Variants in ADAMTS14 observed in about 807,000 individuals in gnomAD.
The protein encoded by ADAMTS14 is A disintegrin and metalloproteinase with thrombospondin motifs 14.
ADAMTS14 carries 100 observed loss-of-function variants against 128.6 expected under a neutral mutation model. That is an observed-to-expected ratio of 0.78 (90% CI 0.66 to 0.92). The LOEUF (loss-of-function observed/expected upper bound fraction) is 0.92, where lower values mean the gene tolerates loss of function less well. Among genes scored for constraint, ADAMTS14 ranks in the 40% least tolerant of loss-of-function variants. The pLI is 0.00. For synonymous variants in ADAMTS14, 665 were observed against 653.8 expected (o/e 1.02, Z -0.26); for missense variants, 1,562 against 1,658.6 (o/e 0.94, Z 1.01).
chr10:70,750,536 C>T (rs35813628), intron 16 of ADAMTS14, among the ~76,000 whole-genome samples: 34,443 of 152,170 alleles, frequency 0.23, 4,356 homozygotes, highest in Non-Finnish European at 0.29. Flanking sequence ...GCCCTCAGCA[C>T]TGGCTGGTGG....
chr10:70,674,758 C>G lies in ADAMTS14; in HGVS notation c.285C>G (p.Thr95=). The G allele has an allele frequency of 6.2e-7, 1 of 1,613,480 alleles. No homozygotes were observed. Among genetic ancestry groups the G allele is most frequent in the Non-Finnish European group, 8.5e-7 (1 of 1,179,976 alleles). ...GCAGCCCTCTGCACCCAGGAGGGAC[C>G]CTGTGGCCTGGCAGGGTGGGGCGCC... The part of the protein sequence containing the change: ...VARSPLHPGG[T]LWPGRVGRHS... Residue 95 remains threonine, a synonymous_variant, in exon 2 of 22, where the codon ACC becomes ACG. Transcript: ENST00000373207.
chr10:70,687,906 C>CG (rs1389109159), intron 2 of ADAMTS14, among the ~76,000 whole-genome samples: 1 of 87,158 alleles, frequency 1.1e-5, no homozygotes, highest in Admixed American at 1.1e-4. Flanking sequence ...GCTGTCCGGG[C>CG]GGGGGGGCTG....
At chr10:70,703,171 T>C (rs547344094) in intron 3 of ADAMTS14, among the ~76,000 whole-genome samples, 65 of 152,204 alleles carry the variant, frequency 4.3e-4, no homozygotes, top group Middle Eastern at 3.4e-3. Context: ...AGGGAAGGGG[T>C]GTCCCTGCGC....
intron 4 of ADAMTS14, among the ~76,000 whole-genome samples, chr10:70,724,200 A>T (rs1841356622): frequency 6.6e-6 from 1 of 152,130 alleles, no homozygotes; most frequent in South Asian, 2.1e-4. Flanking sequence ...TTTTTCTGGT[A>T]CATACCCAGT....
rs773241341 is a variant in ADAMTS14 at position 70,736,804 on chromosome 10, G to A, written c.1599+11G>A. 3 of 1,612,486 alleles carry A rather than the reference G, an allele frequency of 1.9e-6. No homozygotes were observed. Among genetic ancestry groups the A allele is most frequent in the African/African-American group, 1.3e-5 (1 of 74,960 alleles). The stretch of plus-strand genomic sequence containing the variant: ...TGTGCACCCGGCAAGGTACCTGTGG[G>A]GTGTGCAGCAGGAGTGGCCTTCCTG... On this transcript the variant is annotated intron_variant, in intron 10 of 21. Transcript: ENST00000373207.
intron 2 of ADAMTS14, among the ~76,000 whole-genome samples, chr10:70,695,278 G>A (rs533861753): frequency 2.6e-5 from 4 of 152,192 alleles, no homozygotes; most frequent in East Asian, 1.9e-4. Context: ...AGGAGAGGCC[G>A]GTCTCTCATG....
chr10:70,695,129 T>C (rs1000366532), intron 2 of ADAMTS14, among the ~76,000 whole-genome samples: 1 of 152,254 alleles, frequency 6.6e-6, no homozygotes. Context: ...CATCTTTTCA[T>C]GTGCTTACTG....
intron 4 of ADAMTS14, among the ~76,000 whole-genome samples, chr10:70,719,844 G>A (rs1841196550): frequency 6.6e-6 from 1 of 152,220 alleles, no homozygotes; most frequent in Non-Finnish European, 1.5e-5. Context: ...ACCCACAGAT[G>A]AGCAGGGTCG....
At chr10:70,737,237 T>C (rs1016045834) in intron 10 of ADAMTS14, among the ~76,000 whole-genome samples, 13 of 152,158 alleles carry the variant, frequency 8.5e-5, no homozygotes, top group Non-Finnish European at 1.6e-4. Flanking sequence ...ACACGTGTTC[T>C]CCCCACACCA....
At chr10:70,734,692 G>T (rs1194675658) in intron 8 of ADAMTS14, among the ~76,000 whole-genome samples, 3 of 152,208 alleles carry the variant, frequency 2.0e-5, no homozygotes, top group Non-Finnish European at 2.9e-5. Flanking sequence ...GAGGCCAAGT[G>T]GATTTGGATG....
chr10:70,732,462 G>T, intron 7 of ADAMTS14, 103 bp downstream of exon 7: 1 of 992,504 alleles, frequency 1.0e-6, no homozygotes, highest in Non-Finnish European at 1.5e-6. Context: ...TGGTTCCAGT[G>T]TCCTGGGAGG....
chr10:70,673,485 C>T (rs1009118752), intron 1 of ADAMTS14, among the ~76,000 whole-genome samples: 3 of 152,164 alleles, frequency 2.0e-5, no homozygotes, highest in African/African-American at 7.2e-5. Context: ...GGGGTACCCT[C>T]CTGGTGGCTC....
chr10:70,761,153 A>C lies in ADAMTS14; in HGVS notation c.*300A>C. ...CAGGGTCAACTATTGCTCCCTCCTC[A>C]CAGACCCTGGGCCTGGGCAGGTCTG... On this transcript the variant is annotated 3_prime_UTR_variant, in exon 22 of 22. Coordinates refer to ENST00000373207, the MANE Select transcript of ADAMTS14 (RefSeq NM_080722.4). The C allele has an allele frequency of 3.2e-6, 1 of 314,078 alleles. No individual in the cohort carries two copies. Among genetic ancestry groups the C allele is most frequent in the Non-Finnish European group, 5.8e-6 (1 of 171,330 alleles). 19.5% of individuals were successfully genotyped at this position (314,078 alleles called of 1,614,324 possible).
At chr10:70,730,792 A>G (rs1841611969) in intron 6 of ADAMTS14, among the ~76,000 whole-genome samples, 3 of 152,128 alleles carry the variant, frequency 2.0e-5, no homozygotes. Context: ...GGTGCATGAC[A>G]TGTTTGTGAC....
intron 3 of ADAMTS14, among the ~76,000 whole-genome samples, chr10:70,703,980 G>A (rs1027793812): frequency 2.0e-5 from 3 of 152,246 alleles, no homozygotes; most frequent in African/African-American, 7.2e-5. Flanking sequence ...GCTGAGCCCA[G>A]TGTGGGGAGA....
intron 10 of ADAMTS14, among the ~76,000 whole-genome samples, chr10:70,738,050 G>C (rs1020136141): frequency 1.3e-5 from 2 of 151,360 alleles, no homozygotes; most frequent in Non-Finnish European, 2.9e-5. Flanking sequence ...TTCTGACTCA[G>C]TTGGTCTGGG....
chr10:70,760,251 G>C, intron 21 of ADAMTS14, 109 bp from the exon 22 acceptor site: 1 of 1,417,764 alleles, frequency 7.1e-7, no homozygotes, highest in East Asian at 2.3e-5. Flanking sequence ...GGGTCCAGCA[G>C]GGGCAGGGGT....
chr10:70,728,500 G>A lies in ADAMTS14; in HGVS notation c.871-794G>A, dbSNP rs577141120. 5.9e-5 allele frequency among the ~76,000 whole-genome samples: 9 copies of A among 152,338 alleles called. No homozygotes were observed. The East Asian group carries it at 1.7e-3, about 29-fold the overall frequency. On this transcript the variant is annotated intron_variant, in intron 4 of 21. Coordinates refer to ENST00000373207, the MANE Select transcript of ADAMTS14 (RefSeq NM_080722.4). ...CAGGAAATGGGTGTCCCCAGGAGAG[G>A]GTGAACTCCCTTTCCTTTAGGGTGG...
intron 15 of ADAMTS14, among the ~76,000 whole-genome samples, chr10:70,747,748 G>T (rs1842223752): frequency 6.6e-6 from 1 of 152,244 alleles, no homozygotes; most frequent in African/African-American, 2.4e-5. Flanking sequence ...TTTCCGGGGA[G>T]CCTGGTGGGG....
Sources: allele counts gnomAD v4.1 joint callset (sites outside exome capture counted in the v4.1 genomes callset), GRCh38; gene constraint gnomAD v4.1.1; transcripts MANE v1.5; gene names NCBI Gene and HGNC (gene_info 2026-07-23, HGNC 2026-07-21).